The following EPHB1 variants were observed in gnomAD, a reference collection of about 807,000 sequenced individuals.
EPHB1 encodes the protein ephrin type-B receptor 1.
EPHB1 carries 30 observed loss-of-function variants against 94.4 expected under a neutral mutation model. The ratio of observed to expected loss-of-function variants is 0.32; its 90% confidence interval spans 0.24 to 0.43. The LOEUF (loss-of-function observed/expected upper bound fraction) is 0.43. Among genes scored for constraint, EPHB1 ranks in the 20% least tolerant of loss-of-function variants. EPHB1 has a pLI of 1.00. For synonymous variants in EPHB1, 522 were observed against 489.1 expected, an observed-to-expected ratio of 1.07 and a Z score of -0.89; for missense variants, 1,055 against 1,308.3, an observed-to-expected ratio of 0.81 and a Z score of 2.99.
At chr3:135,204,014 A>G (rs1576466856) in intron 12 of EPHB1, among the ~76,000 whole-genome samples, 2 of 151,774 alleles carry the variant, frequency 1.3e-5, no homozygotes, top group Admixed American at 1.3e-4. Context: ...TAATTTTTTG[A>G]TTTTTAGTTT....
intron 1 of EPHB1, among the ~76,000 whole-genome samples, chr3:134,836,005 C>T (rs1369346979): frequency 6.6e-6 from 1 of 152,220 alleles, no homozygotes; most frequent in Non-Finnish European, 1.5e-5. Flanking sequence ...TAGTGAAAGG[C>T]TGTATCACAG....
intron 4 of EPHB1, among the ~76,000 whole-genome samples, chr3:135,131,510 A>C (rs1390272236): frequency 6.6e-6 from 1 of 152,112 alleles, no homozygotes; most frequent in Non-Finnish European, 1.5e-5. Flanking sequence ...CTGCCATTCG[A>C]AAGGGGGGCT....
intron 1 of EPHB1, among the ~76,000 whole-genome samples, chr3:134,809,684 G>A (rs1173548477): frequency 6.6e-6 from 1 of 152,192 alleles, no homozygotes; most frequent in Non-Finnish European, 1.5e-5. Context: ...GCCTAGACAT[G>A]AAGCACATTT....
chr3:135,041,759 T>C (rs1438048223), intron 3 of EPHB1, among the ~76,000 whole-genome samples: 6 of 152,118 alleles, frequency 3.9e-5, no homozygotes, highest in Non-Finnish European at 8.8e-5. Flanking sequence ...TAAACAAAAA[T>C]TTGTTGACTC....
At chr3:135,157,884 A>C (rs576483468) in intron 6 of EPHB1, among the ~76,000 whole-genome samples, 20 of 152,242 alleles carry the variant, frequency 1.3e-4, no homozygotes, top group Non-Finnish European at 2.2e-4. Context: ...GAAAATATAT[A>C]TAACCAACTT....
At chr3:134,830,653 C>G (rs137995874) in intron 1 of EPHB1, among the ~76,000 whole-genome samples, 5 of 152,108 alleles carry the variant, frequency 3.3e-5, no homozygotes, top group Non-Finnish European at 7.4e-5. Context: ...TTATTTTTCC[C>G]TCTCAAAAAC....
At chr3:134,902,825 T>C (rs2038230090) in intron 1 of EPHB1, among the ~76,000 whole-genome samples, 1 of 152,248 alleles carries the variant, frequency 6.6e-6, no homozygotes, top group Non-Finnish European at 1.5e-5. Flanking sequence ...GCTTTATTTA[T>C]GCTTTAAGGT....
chr3:135,153,779 C>G (rs2107694917), intron 5 of EPHB1, among the ~76,000 whole-genome samples: 1 of 152,344 alleles, frequency 6.6e-6, no homozygotes, highest in South Asian at 2.1e-4. Flanking sequence ...AACTGCAAGA[C>G]TGAGGTTCCT....
chr3:134,825,515 C>A (rs1219063610), intron 1 of EPHB1, among the ~76,000 whole-genome samples: 3 of 152,066 alleles, frequency 2.0e-5, no homozygotes, highest in African/African-American at 7.3e-5. Flanking sequence ...TCTGTTGGAC[C>A]CTCTTTGGGT....
chr3:134,962,741 T>G (rs1933568712), intron 3 of EPHB1, among the ~76,000 whole-genome samples: 1 of 152,122 alleles, frequency 6.6e-6, no homozygotes, highest in Non-Finnish European at 1.5e-5. Context: ...CAGCTCACCA[T>G]GTTGACACCT....
At chr3:134,827,365 A>G (rs80043047) in intron 1 of EPHB1, among the ~76,000 whole-genome samples, 18 of 20,598 alleles carry the variant, frequency 8.7e-4, no homozygotes, top group Admixed American at 2.8e-3. Context: ...GTGCGCGTGC[A>G]CACACACACA....
intron 1 of EPHB1, among the ~76,000 whole-genome samples, chr3:134,804,039 G>A (rs2035984367): frequency 7.0e-6 from 1 of 142,826 alleles, no homozygotes; most frequent in African/African-American, 2.7e-5. Flanking sequence ...GTGCCCCTGC[G>A]AGTCAGACCC....
chr3:135,136,674 A>G (rs1269170732), intron 5 of EPHB1, among the ~76,000 whole-genome samples: 1 of 152,196 alleles, frequency 6.6e-6, no homozygotes, highest in African/African-American at 2.4e-5. Flanking sequence ...TGGCCATTTT[A>G]TCCTCAGACT....
At chr3:135,162,283 G>C (rs1176794615) in intron 7 of EPHB1, 103 bp downstream of exon 7, 26 of 1,281,672 alleles carry the variant, frequency 2.0e-5, no homozygotes, top group Non-Finnish European at 2.5e-5. Flanking sequence ...ATCTCCAACT[G>C]GATTCCAGTG....
At position 135,100,185 on chromosome 3, in the gene EPHB1, C is replaced by T. The variant is rs117498074; in HGVS notation, c.806-6263C>T. Reference sequence around the variant, plus strand: ...AATGCAAGGAGAGACTTCCTCCCTGCGGTGTAGCTCTGACCCCCTAGACCA... The same window carrying T: ...AATGCAAGGAGAGACTTCCTCCCTGTGGTGTAGCTCTGACCCCCTAGACCA... On this transcript the variant is annotated intron_variant, in intron 3 of 15. Coordinates refer to ENST00000398015, the MANE Select transcript of EPHB1 (RefSeq NM_004441.5). 9.6e-4 allele frequency among the ~76,000 whole-genome samples: 146 copies of T among 152,238 alleles called. 2 individuals carry two copies. The East Asian group carries it at 0.024, about 25-fold the overall frequency.
At chr3:135,239,533 A>G (rs531015305) in intron 12 of EPHB1, among the ~76,000 whole-genome samples, 17 of 152,310 alleles carry the variant, frequency 1.1e-4, no homozygotes, top group African/African-American at 4.1e-4. Context: ...ACAGAGCCTA[A>G]GCATGGAAAA....
At chr3:135,184,389 G>A (rs1286647801) in intron 10 of EPHB1, among the ~76,000 whole-genome samples, 1 of 152,108 alleles carries the variant, frequency 6.6e-6, no homozygotes, top group Non-Finnish European at 1.5e-5. Context: ...TATAATAATT[G>A]TGAGCCAGGT....
At chr3:135,223,198 A>G (rs948858868) in intron 12 of EPHB1, among the ~76,000 whole-genome samples, 1 of 152,188 alleles carries the variant, frequency 6.6e-6, no homozygotes, top group African/African-American at 2.4e-5. Flanking sequence ...CTCACCCATT[A>G]TATATGAGTC....
At chr3:134,890,783 T>C (rs561930714) in intron 1 of EPHB1, among the ~76,000 whole-genome samples, 20 of 152,358 alleles carry the variant, frequency 1.3e-4, no homozygotes, top group Non-Finnish European at 2.5e-4. Flanking sequence ...GGACCTTATC[T>C]TTTTTCTTCT....
Sources: allele counts gnomAD v4.1 joint callset (sites outside exome capture counted in the v4.1 genomes callset), GRCh38; gene constraint gnomAD v4.1.1; transcripts MANE v1.5; gene names NCBI Gene and HGNC (gene_info 2026-07-23, HGNC 2026-07-21).